The following COX7B2 variants were observed in gnomAD, a reference collection of about 807,000 sequenced individuals.
COX7B2 encodes cytochrome c oxidase subunit 7B2, also known as cytochrome c oxidase subunit 7B2, mitochondrial.
For synonymous variants in COX7B2, 37 were observed against 32.1 expected, an observed-to-expected ratio of 1.15 and a Z score of -0.51; for missense variants, 109 against 95.9, an observed-to-expected ratio of 1.14 and a Z score of -0.57.
At chr4:46,826,426 G>A (rs887430366) in intron 2 of COX7B2, among the ~76,000 whole-genome samples, 2 of 152,098 alleles carry the variant, frequency 1.3e-5, no homozygotes, top group Non-Finnish European at 2.9e-5. Flanking sequence ...TGGTGGGAGT[G>A]TAAATTAGTT....
At chr4:46,794,886 T>G (rs1485317156) in intron 2 of COX7B2, among the ~76,000 whole-genome samples, 1 of 152,180 alleles carries the variant, frequency 6.6e-6, no homozygotes, top group Non-Finnish European at 1.5e-5. Flanking sequence ...CAAGGTCAAG[T>G]GAACAAAACT....
chr4:46,789,192 T>C (rs1391703647), intron 2 of COX7B2, among the ~76,000 whole-genome samples: 1 of 152,162 alleles, frequency 6.6e-6, no homozygotes, highest in Non-Finnish European at 1.5e-5. Context: ...GTGTATAGAT[T>C]ATCAAGGCTA....
chr4:46,768,657 A>T (rs549823375), intron 2 of COX7B2, among the ~76,000 whole-genome samples: 1 of 152,242 alleles, frequency 6.6e-6, no homozygotes, highest in Non-Finnish European at 1.5e-5. Flanking sequence ...CAAATAAACA[A>T]TCTAACTTTA....
At chr4:46,744,738 A>ATTTTTTTTTTTT (rs773481406) in intron 2 of COX7B2, among the ~76,000 whole-genome samples, 1 of 124,666 alleles carries the variant, frequency 8.0e-6, no homozygotes, top group African/African-American at 2.9e-5. Flanking sequence ...AGATATTTTA[A>ATTTTTTTTTTTT]TTTTTTTTTT....
intron 2 of COX7B2, among the ~76,000 whole-genome samples, chr4:46,750,226 A>ACACG (rs1715274588): frequency 6.6e-6 from 1 of 151,068 alleles, no homozygotes; most frequent in Non-Finnish European, 1.5e-5. Flanking sequence ...ACACACACAC[A>ACACG]CACACACACA....
rs185367279 is a variant in COX7B2, at chr4:46,782,557, C to G, written c.-49-47316G>C. Among the ~76,000 whole-genome samples the G allele has an allele frequency of 4.6e-5, 7 of 152,278 alleles. No homozygotes were observed. The South Asian group carries it at 6.2e-4, about 14-fold the overall frequency. ...AGAGAATAAAAGCAGGCTGCCCAAG[C>G]GAGCAGCAGCAACCCACTTGGGTCT... On this transcript the variant is annotated intron_variant, in intron 2 of 2. Transcript: ENST00000355591.
chr4:46,834,698 A>C (rs1449316704), intron 2 of COX7B2, among the ~76,000 whole-genome samples: 1 of 152,150 alleles, frequency 6.6e-6, no homozygotes, highest in Non-Finnish European at 1.5e-5. Context: ...ATTATCAATA[A>C]ATCAAATATT....
chr4:46,908,793 A>G (rs974554391), intron 1 of COX7B2, among the ~76,000 whole-genome samples: 1 of 150,604 alleles, frequency 6.6e-6, no homozygotes, highest in African/African-American at 2.4e-5. Context: ...TGTAATCCCA[A>G]CACTTTGGGA....
intron 1 of COX7B2, among the ~76,000 whole-genome samples, chr4:46,890,193 T>A (rs1719348014): frequency 6.6e-6 from 1 of 152,288 alleles, no homozygotes; most frequent in Non-Finnish European, 1.5e-5. Context: ...GAAAAGTAAG[T>A]CTAGGCCTTC....
chr4:46,878,079 A>T (rs1446085088), intron 1 of COX7B2, among the ~76,000 whole-genome samples: 1 of 152,086 alleles, frequency 6.6e-6, no homozygotes, highest in Non-Finnish European at 1.5e-5. Flanking sequence ...AAAGGTAATA[A>T]CTGCCATTTT....
intron 2 of COX7B2, among the ~76,000 whole-genome samples, chr4:46,775,590 A>G (rs1234323355): frequency 6.6e-6 from 1 of 152,102 alleles, no homozygotes; most frequent in African/African-American, 2.4e-5. Flanking sequence ...TGGATATTAT[A>G]AAAAGAAGCG....
chr4:46,740,952 C>T (rs898410517), intron 2 of COX7B2, among the ~76,000 whole-genome samples: 5 of 151,874 alleles, frequency 3.3e-5, no homozygotes, highest in African/African-American at 1.2e-4. Flanking sequence ...ATCTAGGCAC[C>T]GAATACTGAA....
intron 2 of COX7B2, among the ~76,000 whole-genome samples, chr4:46,843,465 T>C (rs1560415337): frequency 6.6e-6 from 1 of 151,954 alleles, no homozygotes. Flanking sequence ...TACAAGTAAA[T>C]ATGAAAGCTG....
chr4:46,752,423 C>T (rs1715442157), intron 2 of COX7B2, among the ~76,000 whole-genome samples: 1 of 152,050 alleles, frequency 6.6e-6, no homozygotes, highest in South Asian at 2.1e-4. Context: ...TTTCTCCTGC[C>T]TGATTACCCT....
intron 2 of COX7B2, among the ~76,000 whole-genome samples, chr4:46,789,991 T>C (rs1486180713): frequency 6.6e-6 from 1 of 151,470 alleles, no homozygotes; most frequent in East Asian, 1.9e-4. Context: ...GTCAAAAAAT[T>C]GTGTAGGTTT....
intron 2 of COX7B2, among the ~76,000 whole-genome samples, chr4:46,753,843 C>G (rs1273350832): frequency 4.6e-5 from 7 of 152,160 alleles, no homozygotes; most frequent in Non-Finnish European, 7.3e-5. Flanking sequence ...CCAGAATCTA[C>G]AATGAACTCA....
At chr4:46,868,588 C>A (rs1717810106) in intron 1 of COX7B2, among the ~76,000 whole-genome samples, 1 of 152,146 alleles carries the variant, frequency 6.6e-6, no homozygotes, top group South Asian at 2.1e-4. Flanking sequence ...TCATTAGTTT[C>A]AAAAAGCCTC....
intron 1 of COX7B2, among the ~76,000 whole-genome samples, chr4:46,881,008 A>AAAATAAAATAAAAAAT (rs1560435071): frequency 7.5e-4 from 113 of 151,628 alleles, no homozygotes; most frequent in African/African-American, 2.6e-3. Flanking sequence ...AAAAAAAAAA[A>AAAATAAAATAAAAAAT]AAACTCTTGG....
At chr4:46,884,559 T>C (rs13109080) in intron 1 of COX7B2, among the ~76,000 whole-genome samples, 79,156 of 152,000 alleles carry the variant, frequency 0.52, 20,793 homozygotes, top group East Asian at 0.67. Context: ...CAGATTAGTT[T>C]ATCCATGATT....
Sources: gnomAD v4.1 joint callset for allele counts (sites outside exome capture counted in the v4.1 genomes callset) on GRCh38, gnomAD v4.1.1 for gene constraint, MANE v1.5 for transcripts, NCBI Gene and HGNC (gene_info 2026-07-23, HGNC 2026-07-21) for gene names.